The following THADA variants were observed in gnomAD, a reference collection of about 807,000 sequenced individuals.
THADA encodes the protein THADA armadillo repeat containing.
Under a neutral mutation model 219.8 loss-of-function variants are expected in THADA, and 213 were observed. The observed-to-expected ratio is 0.97, with a 90% CI of 0.87 to 1.09. The LOEUF (loss-of-function observed/expected upper bound fraction) is 1.09, where lower values mean the gene tolerates loss of function less well. THADA is among the 50% of genes least tolerant of loss of function. THADA has a pLI of 0.00. For synonymous variants in THADA, 1,018 were observed against 828.9 expected (o/e 1.23, Z -3.92); for missense variants, 2,956 against 2,311.3 (o/e 1.28, Z -5.72).
In THADA at chr2:43,428,183, CA is replaced by C; in HGVS notation, c.3974del (p.Leu1325TrpfsTer28). 6.2e-7 allele frequency: 1 copy of C among 1,608,442 alleles called. No individual in the cohort carries two copies. The highest frequency in any genetic ancestry group is 8.5e-7 in the Non-Finnish European group (1 of 1,176,818). ...GGGAAGCGTAGAGTCTCTCCAACACCAAAAGTAAGAGAAACATGCTTGGATG... is the reference window on the plus strand; with the variant it reads ...GGGAAGCGTAGAGTCTCTCCAACACCAAAGTAAGAGAAACATGCTTGGATG... ...NRHPSMFLLL[L>X]VLERLYASPM... On this transcript the variant is annotated frameshift_variant, in exon 28 of 38. Coordinates refer to ENST00000405975, the MANE Select transcript of THADA (RefSeq NM_022065.5). LOFTEE classifies it high-confidence loss of function.
At chr2:43,595,362 G>T (rs957054552) in intron 1 of THADA, among the ~76,000 whole-genome samples, 1 of 152,170 alleles carries the variant, frequency 6.6e-6, no homozygotes, top group Non-Finnish European at 1.5e-5. Flanking sequence ...AGATCTAGAG[G>T]AATAGAGGCA....
At chr2:43,368,308 A>G (rs1670399744) in intron 29 of THADA, among the ~76,000 whole-genome samples, 1 of 152,176 alleles carries the variant, frequency 6.6e-6, no homozygotes. Context: ...TGAACCATCA[A>G]CTTTACTTGC....
rs1435323465 is a variant in THADA, at chr2:43,590,624, G to A, written c.302+200C>T. ...CGCACCACTGCACTCCAGCCTGGGC[G>A]ACAGAGCTAGACTCCGTCTCAAAAA... On this transcript the variant is annotated intron_variant, in intron 4 of 37. Transcript: ENST00000405975. Among the ~76,000 whole-genome samples the A allele has an allele frequency of 3.8e-5, 5 of 131,602 alleles. No individual in the cohort carries two copies. The Admixed American group carries it at 4.5e-4, about 12-fold the overall frequency. 86.3% of individuals were successfully genotyped at this position (131,602 alleles called of 152,430 possible).
intron 30 of THADA, among the ~76,000 whole-genome samples, chr2:43,325,998 T>C (rs1408848769): frequency 6.6e-6 from 1 of 152,266 alleles, no homozygotes. Flanking sequence ...TTAAATATGC[T>C]CTATCTTGAG....
intron 20 of THADA, among the ~76,000 whole-genome samples, chr2:43,544,471 G>A (rs1695750826): frequency 6.6e-6 from 1 of 152,150 alleles, no homozygotes; most frequent in Non-Finnish European, 1.5e-5. Flanking sequence ...TGGGCAGTAT[G>A]GCCACTTTCA....
intron 36 of THADA, among the ~76,000 whole-genome samples, chr2:43,248,734 G>A (rs1669517070): frequency 6.6e-6 from 1 of 152,114 alleles, no homozygotes; most frequent in African/African-American, 2.4e-5. Context: ...GGAAGAAAAA[G>A]GACACAAATC....
intron 23 of THADA, among the ~76,000 whole-genome samples, chr2:43,506,052 T>C (rs1273421464): frequency 1.3e-5 from 2 of 152,194 alleles, no homozygotes; most frequent in African/African-American, 2.4e-5. Context: ...CCTAAGTAGG[T>C]GGCAGCTCTG....
chr2:43,266,672 G>T (rs1424060339), intron 36 of THADA, among the ~76,000 whole-genome samples: 1 of 152,184 alleles, frequency 6.6e-6, no homozygotes, highest in Non-Finnish European at 1.5e-5. Context: ...AAAAAGCTTA[G>T]TGTGGGTGAA....
chr2:43,325,434 T>G (rs1289300717), intron 30 of THADA, among the ~76,000 whole-genome samples: 3 of 152,158 alleles, frequency 2.0e-5, no homozygotes, highest in Non-Finnish European at 4.4e-5. Context: ...ACACAGTCAC[T>G]GCCCTCAAGG....
At chr2:43,456,107 T>C (rs1183112735) in intron 26 of THADA, among the ~76,000 whole-genome samples, 1 of 152,194 alleles carries the variant, frequency 6.6e-6, no homozygotes, top group Non-Finnish European at 1.5e-5. Context: ...AGATACTTCC[T>C]AGTAAATATT....
chr2:43,519,134 C>T (rs1377486745), intron 22 of THADA, among the ~76,000 whole-genome samples: 1 of 151,958 alleles, frequency 6.6e-6, no homozygotes, highest in Non-Finnish European at 1.5e-5. Flanking sequence ...TAACGTCTGT[C>T]TTGTAAATTA....
At chr2:43,427,327 A>G (rs1678583036) in intron 28 of THADA, among the ~76,000 whole-genome samples, 1 of 152,162 alleles carries the variant, frequency 6.6e-6, no homozygotes, top group African/African-American at 2.4e-5. Flanking sequence ...TTTCAAAAGG[A>G]GTATCTCCTA....
At position 43,554,305 on chromosome 2, in the gene THADA, C is replaced by G. The variant is rs183570148; in HGVS notation, c.2675-1966G>C. On this transcript the variant is annotated intron_variant, in intron 17 of 37. Coordinates refer to ENST00000405975, the MANE Select transcript of THADA (RefSeq NM_022065.5). ...TTGTATATGGCATAAGGTAGTGAATCTAATTTCATTCTCTTGCATGTACAT... is the reference window on the plus strand; with the variant it reads ...TTGTATATGGCATAAGGTAGTGAATGTAATTTCATTCTCTTGCATGTACAT... Among the ~76,000 whole-genome samples the G allele has an allele frequency of 2.0e-5, 3 of 152,228 alleles. No individual in the cohort carries two copies. In the East Asian group the frequency reaches 5.8e-4, roughly 29 times the overall value.
At chr2:43,360,806 A>C (rs1186454478) in intron 29 of THADA, among the ~76,000 whole-genome samples, 1 of 152,182 alleles carries the variant, frequency 6.6e-6, no homozygotes, top group Non-Finnish European at 1.5e-5. Flanking sequence ...TTTTCCACCT[A>C]AAGAAGTCCT....
chr2:43,574,342 T>C lies in THADA; in HGVS notation c.1723A>G (p.Lys575Glu), dbSNP rs771720735. 8.4e-6 allele frequency: 13 copies of C among 1,553,160 alleles called. No homozygotes were observed. The South Asian group carries it at 1.6e-4, about 19-fold the overall frequency. The change falls in exon 11 of 38, where the codon AAA (lysine) becomes GAA (glutamate). Residue 575 changes from lysine (K) to glutamate (E), a missense_variant. Transcript: ENST00000405975. ...VKILQTSIDAKTGQEQSFPSL... is the reference protein window; with the variant it reads ...VKILQTSIDAETGQEQSFPSL... ...AAAAATGCATTTTTCTTACCAGTTT[T>C]AGCATCAATAGAAGTCTGAAGAATC...
chr2:43,254,304 T>C (rs1378629874), intron 36 of THADA, among the ~76,000 whole-genome samples: 1 of 151,866 alleles, frequency 6.6e-6, no homozygotes, highest in East Asian at 1.9e-4. Context: ...AGAACCAACC[T>C]AGGAGCAGAA....
At chr2:43,502,290 A>C (rs551460003) in intron 24 of THADA, among the ~76,000 whole-genome samples, 3 of 152,328 alleles carry the variant, frequency 2.0e-5, no homozygotes, top group African/African-American at 7.2e-5. Flanking sequence ...AGAAAATATA[A>C]AATATCTTTC....
intron 29 of THADA, among the ~76,000 whole-genome samples, chr2:43,351,981 C>A (rs1668322068): frequency 6.6e-6 from 1 of 152,190 alleles, no homozygotes; most frequent in Non-Finnish European, 1.5e-5. Flanking sequence ...TCAACCTTAA[C>A]CCAACATACA....
intron 22 of THADA, 30 bp downstream of exon 22, chr2:43,527,849 A>G (rs750111623): frequency 2.7e-6 from 4 of 1,492,086 alleles, no homozygotes; most frequent in Non-Finnish European, 3.7e-6. Context: ...TAGTCTTTTT[A>G]AAACGTACAC....
Sources: gnomAD v4.1 joint callset for allele counts (sites outside exome capture counted in the v4.1 genomes callset) on GRCh38, gnomAD v4.1.1 for gene constraint, MANE v1.5 for transcripts, NCBI Gene and HGNC (gene_info 2026-07-23, HGNC 2026-07-21) for gene names.